The following PCDHGA1 variants were observed in gnomAD, a reference collection of about 807,000 sequenced individuals.
PCDHGA1 encodes protocadherin gamma subfamily A, 1, also known as protocadherin gamma-A1.
A neutral mutation model predicts 58.0 loss-of-function variants in PCDHGA1; 32 were observed. The ratio of observed to expected loss-of-function variants is 0.55; its 90% CI spans 0.42 to 0.74. The LOEUF (loss-of-function observed/expected upper bound fraction) is 0.74. PCDHGA1 is among the 30% of genes least tolerant of loss of function. The pLI is 0.00. For synonymous variants in PCDHGA1, 498 were observed against 501.1 expected (o/e 0.99, Z 0.08); for missense variants, 1,205 against 1,182.3 (o/e 1.02, Z -0.28).
chr5:141,508,979 G>C (rs1317798009), intron 3 of PCDHGA1, among the ~76,000 whole-genome samples: 1 of 152,110 alleles, frequency 6.6e-6, no homozygotes, highest in Admixed American at 6.5e-5. Context: ...GCTGGGGGTG[G>C]GGGCCAGCTG....
rs1419365808 is a variant in PCDHGA1 at position 141,477,321 on chromosome 5, C to G, written c.2422-17486C>G. 1.2e-6 allele frequency: 2 copies of G among 1,614,160 alleles called. No homozygotes were observed. Among genetic ancestry groups the G allele is most frequent in the East Asian group, 4.5e-5 (2 of 44,874 alleles). On this transcript the variant is annotated intron_variant, in intron 1 of 3. Coordinates refer to ENST00000517417, the MANE Select transcript of PCDHGA1 (RefSeq NM_018912.3). The surrounding 1 kb of genome is among the most constrained non-coding windows in gnomAD (Gnocchi z 4.9). Reference sequence around the variant, plus strand: ...GGTCTCCCTTTCAGCCTTACTTCTTCCCTCAAGAATTACTTCACTTTGAAA... The same window carrying G: ...GGTCTCCCTTTCAGCCTTACTTCTTGCCTCAAGAATTACTTCACTTTGAAA...
chr5:141,410,320 C>T (rs752279818), intron 1 of PCDHGA1: 54 of 1,613,880 alleles, frequency 3.3e-5, no homozygotes, highest in Non-Finnish European at 4.5e-5. Context: ...TCCTCCTCGC[C>T]GTGATTCTGG....
chr5:141,364,963 C>T (rs1763641490), intron 1 of PCDHGA1: 1 of 1,613,822 alleles, frequency 6.2e-7, no homozygotes, highest in Admixed American at 1.7e-5. Context: ...ACGACCTCCT[C>T]CTCACAGCTT....
intron 1 of PCDHGA1, chr5:141,388,296 T>G: frequency 1.2e-6 from 2 of 1,613,704 alleles, no homozygotes; most frequent in Non-Finnish European, 1.7e-6. Flanking sequence ...GCAAAATTCC[T>G]TTGAGCTGCA....
intron 1 of PCDHGA1, among the ~76,000 whole-genome samples, chr5:141,373,410 C>A (rs1317795683): frequency 6.6e-6 from 1 of 152,216 alleles, no homozygotes; most frequent in Non-Finnish European, 1.5e-5. Flanking sequence ...GTAGTCCCAG[C>A]TACTCGGGAG....
intron 1 of PCDHGA1, chr5:141,374,023 A>C: frequency 7.1e-7 from 1 of 1,412,854 alleles, no homozygotes; most frequent in South Asian, 1.7e-5. Flanking sequence ...GAGAAGAGCA[A>C]AAGTGATGCA....
chr5:141,470,870 G>GT (rs1230952624), intron 1 of PCDHGA1, among the ~76,000 whole-genome samples: 1 of 151,546 alleles, frequency 6.6e-6, no homozygotes, highest in Non-Finnish European at 1.5e-5. Context: ...TTGTTTGTTT[G>GT]TTTTTTTGTT....
intron 1 of PCDHGA1, chr5:141,371,845 A>G: frequency 6.2e-7 from 1 of 1,613,664 alleles, no homozygotes; most frequent in Non-Finnish European, 8.5e-7. Flanking sequence ...TTGGGACCTA[A>G]TGGCCTTGTC....
rs780005090 is a variant in PCDHGA1, at chr5:141,339,669, T to C, written c.2421+6564T>C. The C allele has an allele frequency of 6.2e-6, 10 of 1,614,190 alleles. No homozygotes were observed. In the South Asian group the frequency reaches 1.1e-4, roughly 18 times the overall value. ...ACCTCCCGCATCTGCGTGAAGGTCC[T>C]GGATGCGAACGACAATGCGCCTGTT... On this transcript the variant is annotated intron_variant, in intron 1 of 3. Coordinates refer to ENST00000517417, the MANE Select transcript of PCDHGA1 (RefSeq NM_018912.3).
chr5:141,500,294 C>T (rs755761935), intron 2 of PCDHGA1, among the ~76,000 whole-genome samples: 3 of 151,732 alleles, frequency 2.0e-5, no homozygotes, highest in Non-Finnish European at 2.9e-5. Flanking sequence ...CTGCAAGCTC[C>T]GCCTCCCAGG....
At chr5:141,478,161 C>T (rs201111122) in intron 1 of PCDHGA1, 20 of 1,613,852 alleles carry the variant, frequency 1.2e-5, no homozygotes, top group Admixed American at 3.3e-5. Context: ...TCTGGCTCTG[C>T]CCCCCGGGAG....
intron 1 of PCDHGA1, chr5:141,362,347 G>T: frequency 6.2e-7 from 1 of 1,614,042 alleles, no homozygotes; most frequent in Non-Finnish European, 8.5e-7. Context: ...GCCTGGACCT[G>T]GGGTTCTCCC....
chr5:141,404,600 CTGTT>C (rs901473063), intron 1 of PCDHGA1: 9 of 1,613,938 alleles, frequency 5.6e-6, no homozygotes, highest in East Asian at 2.2e-5. Flanking sequence ...GTCATTGAGA[CTGTT>C]TGTTTTGGAC....
intron 1 of PCDHGA1, chr5:141,384,872 T>C (rs773444317): frequency 1.9e-6 from 3 of 1,613,766 alleles, no homozygotes; most frequent in Non-Finnish European, 1.7e-6. Flanking sequence ...TCAGCCACCG[T>C]CACACTCACC....
intron 1 of PCDHGA1, chr5:141,398,208 G>C (rs898628305): frequency 1.3e-6 from 2 of 1,486,802 alleles, no homozygotes; most frequent in Non-Finnish European, 9.0e-7. Context: ...TGTTCTGCCC[G>C]GCGCTCTGTG....
At position 141,491,856 on chromosome 5, in the gene PCDHGA1, C is replaced by T; in HGVS notation, c.2422-2951C>T. 1.4e-6 allele frequency: 2 copies of T among 1,458,728 alleles called. No individual in the cohort carries two copies. Among genetic ancestry groups the T allele is most frequent in the Non-Finnish European group, 1.8e-6 (2 of 1,103,072 alleles). 90.4% of individuals were successfully genotyped at this position (1,458,728 alleles called of 1,614,324 possible). A position where few individuals can be genotyped will look rare whatever the true frequency, so the allele number is the denominator to read the frequency against. ...TCTCGGGATCATTGGACCGTTTGCG[C>T]GAAACCAGAGTGGCCGATTAAGGGA... On this transcript the variant is annotated intron_variant, in intron 1 of 3. Coordinates refer to ENST00000517417, the MANE Select transcript of PCDHGA1 (RefSeq NM_018912.3). The surrounding 1 kb of genome is among the most constrained non-coding windows in gnomAD (Gnocchi z 6.9).
rs76825883 is a variant in PCDHGA1, at chr5:141,433,317, C to T, written c.2422-61490C>T. The T allele has an allele frequency of 1.4e-3, 1,163 of 830,944 alleles. 6 individuals are homozygous for T. In the African/African-American group the frequency reaches 0.015, roughly 11 times the overall value. 51.5% of individuals were successfully genotyped at this position (830,944 alleles called of 1,614,324 possible). A position where few individuals can be genotyped will look rare whatever the true frequency, so the allele number is the denominator to read the frequency against. On this transcript the variant is annotated intron_variant, in intron 1 of 3. Transcript: ENST00000517417. ...CAAGCAATTATCCCACCTTTGCCTC[C>T]GGTGTAACAGGGACTACAGGTGCAA... is the stretch of plus-strand genomic sequence containing the variant.
chr5:141,510,905 C>T lies in PCDHGA1; in HGVS notation c.2570-42C>T. 4 of 1,613,538 alleles carry T rather than the reference C, an allele frequency of 2.5e-6. No homozygotes were observed. In the South Asian group the frequency reaches 4.4e-5, roughly 18 times the overall value. ...GATATAAGACAGTGACTGTTGAGGA[C>T]CCTAAGTTTAGCTCCCACCTGATCT... On this transcript the variant is annotated intron_variant, in intron 3 of 3. Coordinates refer to ENST00000517417, the MANE Select transcript of PCDHGA1 (RefSeq NM_018912.3).
At chr5:141,419,094 G>C in intron 1 of PCDHGA1, 2 of 1,613,894 alleles carry the variant, frequency 1.2e-6, no homozygotes, top group Non-Finnish European at 1.7e-6. Context: ...GCCCTGGATC[G>C]GGAGCAGACC....
Sources: allele counts gnomAD v4.1 joint callset (sites outside exome capture counted in the v4.1 genomes callset), GRCh38; gene constraint gnomAD v4.1.1; non-coding constraint Gnocchi (gnomAD v3.1); transcripts MANE v1.5; gene names NCBI Gene and HGNC (gene_info 2026-07-23, HGNC 2026-07-21).